Variants in MALRD1 observed in about 807,000 individuals in gnomAD.
The protein encoded by MALRD1 is MAM and LDL receptor class A domain containing 1, also known as MAM and LDL-receptor class A domain-containing protein 1.
Under a neutral mutation model 242.1 loss-of-function variants are expected in MALRD1, and 247 were observed. That is an observed-to-expected ratio of 1.02 (90% CI 0.92 to 1.13). MALRD1 has a LOEUF of 1.13. Among genes scored for constraint, MALRD1 ranks in the 50% most tolerant of loss-of-function variants. The probability of loss-of-function intolerance (pLI) is 0.00; values close to 1 mark genes in which losing one functional copy is unlikely to be tolerated. For synonymous variants in MALRD1, 995 were observed against 866.6 expected (o/e 1.15, Z -2.60); for missense variants, 2,989 against 2,533.1 (o/e 1.18, Z -3.86).
At chr10:19,237,919 TAATTATATGTAATTTTATACAGTTATATA>T (rs1445737868) in intron 18 of MALRD1, among the ~76,000 whole-genome samples, 4,729 of 66,448 alleles carry the variant, frequency 0.071, 770 homozygotes, top group African/African-American at 0.17. Flanking sequence ...TAGTTATATA[TAATTATATGTAATTTTATACAGTTATATA>T]AATTATATGT....
At chr10:19,260,432 G>GA (rs914142121) in intron 19 of MALRD1, among the ~76,000 whole-genome samples, 6 of 151,626 alleles carry the variant, frequency 4.0e-5, no homozygotes, top group Admixed American at 6.6e-5. Flanking sequence ...ATAGAGGATG[G>GA]AAAAAAAAGC....
Position 19,049,012 on chromosome 10 carries a change from T to G in MALRD1, c.74T>G (p.Val25Gly). Reference protein sequence around the residue: ...ETFCCLWIACVFNSTLAQQGT... With the variant: ...ETFCCLWIACGFNSTLAQQGT... ...TTTTGTTGCCTTTGGATTGCCTGTG[T>G]TTTCAATTCTACACTGGCTCAGCAA... Residue 25 changes from valine to glycine, a missense_variant, in exon 1 of 40, where the codon GTT becomes GGT. Coordinates refer to ENST00000454679, the MANE Select transcript of MALRD1 (RefSeq NM_001142308.3). 2.4e-6 allele frequency: 3 copies of G among 1,233,900 alleles called. No individual in the cohort carries two copies. Among genetic ancestry groups the G allele is most frequent in the South Asian group, 8.2e-5 (2 of 24,412 alleles). The allele number at this position is 1,233,900 out of a possible 1,614,324, so 76.4% of individuals were successfully genotyped here.
chr10:19,313,990 G>C (rs1842536603), intron 21 of MALRD1, among the ~76,000 whole-genome samples: 1 of 151,538 alleles, frequency 6.6e-6, no homozygotes, highest in Non-Finnish European at 1.5e-5. Context: ...TGATAAAATT[G>C]TAAGTGTATT....
At chr10:19,675,018 CT>C (rs1352810629) in intron 36 of MALRD1, among the ~76,000 whole-genome samples, 1 of 151,948 alleles carries the variant, frequency 6.6e-6, no homozygotes, top group Admixed American at 6.6e-5. Flanking sequence ...TGCCATCAAC[CT>C]GTTTGAACAA....
In MALRD1 at chr10:19,352,190, G is replaced by A. The variant is rs553779082; in HGVS notation, c.4334G>A (p.Gly1445Glu). The A allele has an allele frequency of 6.4e-7, 1 of 1,550,436 alleles. No individual in the cohort carries two copies. Among genetic ancestry groups the A allele is most frequent in the African/African-American group, 1.4e-5 (1 of 73,106 alleles). The change falls in exon 26 of 40, where the codon GGG becomes GAG. Residue 1445 changes from glycine (G) to glutamate (E), a missense_variant. Coordinates refer to ENST00000454679, the MANE Select transcript of MALRD1 (RefSeq NM_001142308.3). Reference sequence around the variant, plus strand: ...CAACTCAAATTTGAAGGTAGAGTTGGGAAAGGTCAGCGTGGAGACATTGCA... The same window carrying A: ...CAACTCAAATTTGAAGGTAGAGTTGAGAAAGGTCAGCGTGGAGACATTGCA... The part of the protein sequence containing the change: ...DFQLKFEGRV[G>E]KGQRGDIALD...
At chr10:19,050,761 C>T (rs1834469313) in intron 1 of MALRD1, among the ~76,000 whole-genome samples, 1 of 152,186 alleles carries the variant, frequency 6.6e-6, no homozygotes, top group African/African-American at 2.4e-5. Flanking sequence ...CCTTGATGAG[C>T]AGCAAAGAGG....
At position 19,204,963 on chromosome 10, in the gene MALRD1, A is replaced by G. The variant is rs1328221561; in HGVS notation, c.2276A>G (p.Asp759Gly). ...CAGCTACATATGGAAAATTCTCATGACTCAACAGTGATTTGGAGAGTATTA... is the reference window on the plus strand; with the variant it reads ...CAGCTACATATGGAAAATTCTCATGGCTCAACAGTGATTTGGAGAGTATTA... ...ELQLHMENSH[D>G]STVIWRVLYN... The change falls in exon 17 of 40, where the codon GAC becomes GGC. Residue 759 changes from aspartate (D) to glycine (G), a missense_variant. Transcript: ENST00000454679. The G allele has an allele frequency of 6.4e-7, 1 of 1,550,474 alleles. No individual in the cohort carries two copies. The highest frequency in any genetic ancestry group is 8.7e-7 in the Non-Finnish European group (1 of 1,146,958).
chr10:19,615,760 A>C, intron 35 of MALRD1, 97 bp from the exon 36 acceptor site: 8 of 983,310 alleles, frequency 8.1e-6, no homozygotes, highest in Non-Finnish European at 1.0e-5. Context: ...ATTTACTCTT[A>C]GAGATTAGAT....
chr10:19,113,489 C>T (rs900456119), intron 5 of MALRD1, among the ~76,000 whole-genome samples: 1 of 151,462 alleles, frequency 6.6e-6, no homozygotes, highest in Admixed American at 6.6e-5. Context: ...CCTATACTCC[C>T]CACCTTCTCT....
At chr10:19,317,818 T>G (rs1296545068) in intron 21 of MALRD1, among the ~76,000 whole-genome samples, 2 of 152,074 alleles carry the variant, frequency 1.3e-5, no homozygotes, top group Admixed American at 6.6e-5. Context: ...CCTAGGCAAC[T>G]TTTGTGAAAA....
intron 39 of MALRD1, among the ~76,000 whole-genome samples, chr10:19,731,055 G>A (rs917157821): frequency 6.6e-6 from 1 of 152,146 alleles, no homozygotes; most frequent in African/African-American, 2.4e-5. Flanking sequence ...CTCAAAAAGA[G>A]CTGAAAAATC....
intron 22 of MALRD1, among the ~76,000 whole-genome samples, chr10:19,326,993 C>G (rs1449531571): frequency 6.6e-6 from 1 of 152,000 alleles, no homozygotes; most frequent in Non-Finnish European, 1.5e-5. Flanking sequence ...CTGGATTCTG[C>G]TTTACATTGG....
intron 29 of MALRD1, among the ~76,000 whole-genome samples, chr10:19,461,289 AAG>A (rs1392999546): frequency 2.0e-5 from 3 of 152,160 alleles, no homozygotes; most frequent in Admixed American, 2.0e-4. Flanking sequence ...CTGGGAAATG[AAG>A]AGTTTAAAAT....
At chr10:19,530,330 T>TGTATA (rs1467519286) in intron 31 of MALRD1, among the ~76,000 whole-genome samples, 92 of 50,040 alleles carry the variant, frequency 1.8e-3, no homozygotes, top group East Asian at 9.3e-3. Context: ...TTTATATAAA[T>TGTATA]ATATAATATT....
intron 28 of MALRD1, among the ~76,000 whole-genome samples, chr10:19,416,545 A>T (rs1041796533): frequency 6.6e-6 from 1 of 152,130 alleles, no homozygotes; most frequent in African/African-American, 2.4e-5. Flanking sequence ...GTGGAAAAAA[A>T]AAAAGTCCAA....
intron 2 of MALRD1, among the ~76,000 whole-genome samples, chr10:19,078,077 C>T (rs1490223277): frequency 6.6e-6 from 1 of 151,552 alleles, no homozygotes; most frequent in Non-Finnish European, 1.5e-5. Context: ...CATAGTAAAT[C>T]GTTAATAAAC....
At chr10:19,605,531 A>G (rs1405071645) in intron 34 of MALRD1, among the ~76,000 whole-genome samples, 8 of 144,820 alleles carry the variant, frequency 5.5e-5, no homozygotes, top group Admixed American at 4.2e-4. Flanking sequence ...TCCTTATCCA[A>G]CCTCCCTAGT....
intron 21 of MALRD1, among the ~76,000 whole-genome samples, chr10:19,287,105 G>C (rs1841164423): frequency 6.6e-6 from 1 of 152,026 alleles, no homozygotes; most frequent in African/African-American, 2.4e-5. Context: ...TTTTATCACA[G>C]TGACTGCATG....
intron 21 of MALRD1, among the ~76,000 whole-genome samples, chr10:19,298,305 A>T (rs1841800537): frequency 6.6e-6 from 1 of 151,676 alleles, no homozygotes; most frequent in Non-Finnish European, 1.5e-5. Context: ...AGCACAAGCC[A>T]TTCATAGATA....
Sources: allele counts gnomAD v4.1 joint callset (sites outside exome capture counted in the v4.1 genomes callset), GRCh38; gene constraint gnomAD v4.1.1; transcripts MANE v1.5; gene names NCBI Gene and HGNC (gene_info 2026-07-23, HGNC 2026-07-21).